CFAP46: variants seen among roughly 807,000 people sequenced by gnomAD.
CFAP46 encodes the protein cilia and flagella associated protein 46.
In CFAP46, 245 loss-of-function variants were observed where a neutral mutation model predicts 325.7. The ratio of observed to expected loss-of-function variants is 0.75; its 90% CI spans 0.68 to 0.84. CFAP46 has a LOEUF of 0.84. CFAP46 is among the 40% of genes least tolerant of loss of function. The pLI is 0.00. For synonymous variants in CFAP46, 1,523 were observed against 1,495.9 expected (o/e 1.02, Z -0.42); for missense variants, 3,346 against 3,543.0 (o/e 0.94, Z 1.41).
At chr10:132,836,363 C>G in intron 45 of CFAP46, 145 bp from the exon 46 acceptor site, 3 of 713,720 alleles carry the variant, frequency 4.2e-6, no homozygotes, top group South Asian at 1.6e-5. Context: ...GTGTGCGCCT[C>G]CAGGGGCACC....
chr10:132,879,394 G>A, intron 29 of CFAP46, 32 bp downstream of exon 29: 1 of 1,454,462 alleles, frequency 6.9e-7, no homozygotes, highest in Non-Finnish European at 9.1e-7. Context: ...GGGAGGTGCT[G>A]CAGGAGCAGG....
chr10:132,876,783 T>C lies in CFAP46; in HGVS notation c.4362+29A>G, dbSNP rs894942567. ...AGGGGACACCATGCTGTGACCAAGG[T>C]CTTGAGCCTTTTCTTTATGTCAACG... On this transcript the variant is annotated intron_variant, in intron 31 of 57. Coordinates refer to ENST00000368586, the MANE Select transcript of CFAP46 (RefSeq NM_001200049.3). The surrounding 1 kb of genome is among the most constrained non-coding windows in gnomAD (Gnocchi z 4.1). The C allele has an allele frequency of 1.3e-6, 2 of 1,542,538 alleles. No homozygotes were observed. The highest frequency in any genetic ancestry group is 2.4e-5 in the South Asian group (2 of 82,782).
At chr10:132,909,679 A>G (rs1423540434) in intron 20 of CFAP46, among the ~76,000 whole-genome samples, 2 of 152,208 alleles carry the variant, frequency 1.3e-5, no homozygotes, top group African/African-American at 4.8e-5. Flanking sequence ...GGGAGAGCGC[A>G]GCACCCCCAC....
intron 24 of CFAP46, among the ~76,000 whole-genome samples, chr10:132,895,021 T>C (rs558442905): frequency 6.3e-4 from 96 of 152,210 alleles, no homozygotes; most frequent in Middle Eastern, 3.4e-3. Context: ...AAATTATAGA[T>C]CAATATCCCT....
rs537797105 is a variant in CFAP46, at chr10:132,893,533, C to CT, written c.3220-1117dup. Among the ~76,000 whole-genome samples the CT allele has an allele frequency of 1.1e-3, 167 of 152,260 alleles. 1 individual carries two copies. Among genetic ancestry groups the CT allele is most frequent in the Non-Finnish European group, 1.7e-3 (118 of 68,030 alleles). The stretch of plus-strand genomic sequence containing the variant: ...CGCTTCACTAAGAGTCTCTGTTTCC[C>CT]TTTTTTCTTCCTTTCTACCCAATAA... On this transcript the variant is annotated intron_variant, in intron 24 of 57. Coordinates refer to ENST00000368586, the MANE Select transcript of CFAP46 (RefSeq NM_001200049.3).
intron 44 of CFAP46, among the ~76,000 whole-genome samples, chr10:132,839,601 G>A (rs1308778596): frequency 1.1e-4 from 16 of 152,112 alleles, no homozygotes; most frequent in Non-Finnish European, 1.8e-4. Context: ...CCGCTCTTGG[G>A]GAAAACTTTT....
chr10:132,911,192 T>C (rs1467235768), intron 19 of CFAP46, among the ~76,000 whole-genome samples: 1 of 152,168 alleles, frequency 6.6e-6, no homozygotes, highest in Admixed American at 6.5e-5. Context: ...CCCTTGTCCC[T>C]TCTCGGAAGA....
intron 21 of CFAP46, 96 bp downstream of exon 21, chr10:132,909,041 T>G: frequency 1.2e-6 from 1 of 851,798 alleles, no homozygotes; most frequent in Non-Finnish European, 1.9e-6. Flanking sequence ...GGGGTGAGCA[T>G]GCACGATGGG....
At chr10:132,831,207 C>T (rs1591040602) in intron 50 of CFAP46, among the ~76,000 whole-genome samples, 1 of 116,822 alleles carries the variant, frequency 8.6e-6, no homozygotes, top group East Asian at 2.3e-4. Flanking sequence ...TAGGGTATAT[C>T]TTGTCAAATG....
At chr10:132,831,818 G>GT (rs200068564) in intron 50 of CFAP46, among the ~76,000 whole-genome samples, 1,862 of 151,336 alleles carry the variant, frequency 0.012, 19 homozygotes, top group South Asian at 0.075. Context: ...TTTTTTCTGT[G>GT]TTTTTTTGGA....
intron 9 of CFAP46, 104 bp downstream of exon 9, chr10:132,929,600 TG>T: frequency 3.7e-6 from 4 of 1,082,678 alleles, no homozygotes; most frequent in Middle Eastern, 2.0e-4. Flanking sequence ...ACCGAAGCCC[TG>T]GGGGCCGTGG....
rs1446448310 is a variant in CFAP46 at position 132,817,558 on chromosome 10, G to T, written c.7118-2644C>A. On this transcript the variant is annotated intron_variant, in intron 50 of 57. Coordinates refer to ENST00000368586, the MANE Select transcript of CFAP46 (RefSeq NM_001200049.3). The surrounding 1 kb of genome is among the most constrained non-coding windows in gnomAD (Gnocchi z 4.4). ...TTTGATTGAGGTAACCGGCCCCTTCGTCTTCCTCATTCATTCTTCCTTCTC... is the reference window on the plus strand; with the variant it reads ...TTTGATTGAGGTAACCGGCCCCTTCTTCTTCCTCATTCATTCTTCCTTCTC... Among the ~76,000 whole-genome samples, 1 of 152,144 alleles carries T rather than the reference G, an allele frequency of 6.6e-6. No individual in the cohort carries two copies. The highest frequency in any genetic ancestry group is 1.5e-5 in the Non-Finnish European group (1 of 68,038).
In CFAP46 at chr10:132,847,766, C is replaced by T. The variant is rs370568786; in HGVS notation, c.5953-445G>A. On this transcript the variant is annotated intron_variant, in intron 41 of 57. Coordinates refer to ENST00000368586, the MANE Select transcript of CFAP46 (RefSeq NM_001200049.3). The surrounding 1 kb of genome is among the most constrained non-coding windows in gnomAD (Gnocchi z 5.2). ...AAGCCCCACCTGGGTATAGGAAGCC[C>T]TGGCAGCCCCTGAAGAACCTGGGTT... Among the ~76,000 whole-genome samples, 61 of 152,266 alleles carry T rather than the reference C, an allele frequency of 4.0e-4. No homozygotes were observed. Among genetic ancestry groups the T allele is most frequent in the African/African-American group, 1.4e-3 (60 of 41,562 alleles).
At position 132,850,321 on chromosome 10, in the gene CFAP46, C is replaced by A; in HGVS notation, c.5875G>T (p.Ala1959Ser). ...VEIRARLLGL[A>S]GRALHLLAMQ... ...GCCAGCAGGTGCAGGGCCCTCCCGG[C>A]CAGGCCCAGGAGCCGGGCGCGGATC... Residue 1959 changes from alanine to serine, a missense_variant, in exon 41 of 58, where the codon GCC (alanine) becomes TCC (serine). Ala to Ser is a moderately conservative substitution (Grantham distance 99, BLOSUM62 1). Transcript: ENST00000368586. 6.4e-7 allele frequency: 1 copy of A among 1,552,142 alleles called. No homozygotes were observed. The highest frequency in any genetic ancestry group is 8.7e-7 in the Non-Finnish European group (1 of 1,147,808).
rs1029470108 is a variant in CFAP46, at chr10:132,877,202, C to T, written c.4213-241G>A. ...GGCCTGGGGGTGCCCAGGCTCAGGACTCCCGAGAGCTAAGGCTCTGCAGCC... is the reference window on the plus strand; with the variant it reads ...GGCCTGGGGGTGCCCAGGCTCAGGATTCCCGAGAGCTAAGGCTCTGCAGCC... On this transcript the variant is annotated intron_variant, in intron 30 of 57. Coordinates refer to ENST00000368586, the MANE Select transcript of CFAP46 (RefSeq NM_001200049.3). This position sits in a 1 kb window ranked among gnomAD's most constrained non-coding sequence, Gnocchi z 5.7. Among the ~76,000 whole-genome samples, 1 of 152,238 alleles carries T rather than the reference C, an allele frequency of 6.6e-6. No homozygotes were observed. The highest frequency in any genetic ancestry group is 2.4e-5 in the African/African-American group (1 of 41,472).
chr10:132,879,939 C>T (rs1251893144), intron 28 of CFAP46, among the ~76,000 whole-genome samples: 2 of 151,394 alleles, frequency 1.3e-5, no homozygotes, highest in Non-Finnish European at 3.0e-5. Context: ...CTGCACCTGG[C>T]CTGGGCACCC....
intron 24 of CFAP46, among the ~76,000 whole-genome samples, chr10:132,895,043 G>A (rs115668380): frequency 0.011 from 1,719 of 152,224 alleles, 14 homozygotes; most frequent in South Asian, 0.043. Context: ...ATGAATACAG[G>A]TGCAAAAATC....
rs764158558 is a variant in CFAP46 at position 132,937,573 on chromosome 10, G to A, written c.639C>T (p.Tyr213=). 3 of 1,613,562 alleles carry A rather than the reference G, an allele frequency of 1.9e-6. No individual in the cohort carries two copies. Among genetic ancestry groups the A allele is most frequent in the Non-Finnish European group, 2.5e-6 (3 of 1,179,946 alleles). ...PFIKSHVPQK[Y]RQIFSVMVRH... is the part of the protein sequence containing the mutation. ...TTACCATAACAGAGAATATCTGCCG[G>A]TATTTCTGTGGCACGTGAGACTTAA... is the stretch of plus-strand genomic sequence containing the variant. The change falls in exon 6 of 58, where the codon TAC becomes TAT. Residue 213 remains tyrosine, a synonymous_variant. Coordinates refer to ENST00000368586, the MANE Select transcript of CFAP46 (RefSeq NM_001200049.3).
chr10:132,934,524 C>G (rs1293329313), intron 8 of CFAP46, among the ~76,000 whole-genome samples: 3 of 152,224 alleles, frequency 2.0e-5, no homozygotes, highest in African/African-American at 4.8e-5. Flanking sequence ...ATCCATATGC[C>G]TACAAACTAA....
Sources: gnomAD v4.1 joint callset for allele counts (sites outside exome capture counted in the v4.1 genomes callset) on GRCh38, gnomAD v4.1.1 for gene constraint, Gnocchi (gnomAD v3.1) non-coding constraint, MANE v1.5 for transcripts, NCBI Gene and HGNC (gene_info 2026-07-23, HGNC 2026-07-21) for gene names.